The following TRIP4 variants were observed in gnomAD, a reference collection of about 807,000 sequenced individuals.
TRIP4 encodes the protein activating signal cointegrator 1.
TRIP4 carries 54 observed loss-of-function variants against 81.8 expected under a neutral mutation model. That is an observed-to-expected ratio of 0.66 (90% CI 0.53 to 0.83). The LOEUF (loss-of-function observed/expected upper bound fraction) is 0.83. TRIP4 is among the 40% of genes least tolerant of loss of function. TRIP4 has a pLI of 0.00. For missense variants in TRIP4, 662 were observed against 683.6 expected (o/e 0.97, Z 0.35); for synonymous variants, 270 against 242.8 (o/e 1.11, Z -1.04).
intron 11 of TRIP4, among the ~76,000 whole-genome samples, chr15:64,434,395 G>A (rs926638086): frequency 3.9e-5 from 4 of 102,004 alleles, no homozygotes; most frequent in African/African-American, 7.0e-5. Flanking sequence ...GTGAAACTCC[G>A]TCTCAAGAAA....
intron 12 of TRIP4, among the ~76,000 whole-genome samples, chr15:64,447,362 C>A (rs187648646): frequency 6.6e-6 from 1 of 152,112 alleles, no homozygotes; most frequent in Non-Finnish European, 1.5e-5. Flanking sequence ...TAAATCTATG[C>A]CCTAGAGAAG....
intron 12 of TRIP4, among the ~76,000 whole-genome samples, chr15:64,445,570 G>A (rs1297011651): frequency 6.7e-6 from 1 of 149,944 alleles, no homozygotes; most frequent in African/African-American, 2.5e-5. Flanking sequence ...TTGGAAGGCT[G>A]AGGCAGGAGA....
Position 64,445,049 on chromosome 15 carries a change from T to C in TRIP4, c.1619T>C (p.Ile540Thr). Residue 540 changes from isoleucine (I) to threonine (T), a missense_variant, in exon 12 of 13, where the codon ATC becomes ACC. Coordinates refer to ENST00000261884, the MANE Select transcript of TRIP4 (RefSeq NM_016213.5). Reference sequence around the variant, plus strand: ...GAGTCTGATTCTCCATTTGTTTTCATCTGCAAAAATCCTCAGGAAATGGTT... The same window carrying C: ...GAGTCTGATTCTCCATTTGTTTTCACCTGCAAAAATCCTCAGGAAATGGTT... ...SQESDSPFVFICKNPQEMVVK... is the reference protein window; with the variant it reads ...SQESDSPFVFTCKNPQEMVVK... The C allele has an allele frequency of 6.2e-7, 1 of 1,604,736 alleles. No homozygotes were observed.
At chr15:64,445,228 T>A (rs1300183165) in intron 12 of TRIP4, 120 bp downstream of exon 12, 2 of 545,416 alleles carry the variant, frequency 3.7e-6, no homozygotes, top group African/African-American at 4.0e-5. Context: ...GGTAACCCAC[T>A]ACCTTTGGAT....
At chr15:64,428,236 A>G (rs540984434) in intron 11 of TRIP4, among the ~76,000 whole-genome samples, 88 of 152,336 alleles carry the variant, frequency 5.8e-4, no homozygotes, top group African/African-American at 1.9e-3. Context: ...TAGATAGCCA[A>G]TCTTCTTTGT....
chr15:64,399,410 A>G (rs926446831), intron 4 of TRIP4, among the ~76,000 whole-genome samples: 1 of 152,070 alleles, frequency 6.6e-6, no homozygotes, highest in African/African-American at 2.4e-5. Flanking sequence ...GCTGGCAGGA[A>G]CTCTGTGTGT....
intron 5 of TRIP4, 107 bp from the exon 6 acceptor site, chr15:64,406,223 C>T: frequency 7.2e-7 from 1 of 1,397,628 alleles, no homozygotes; most frequent in Non-Finnish European, 9.8e-7. Flanking sequence ...GGCTCCAGGC[C>T]ATCAGGCCAG....
intron 12 of TRIP4, among the ~76,000 whole-genome samples, chr15:64,445,834 T>C (rs572167620): frequency 7.9e-5 from 12 of 152,184 alleles, no homozygotes; most frequent in Admixed American, 1.3e-4. Context: ...CGCTCTAAAC[T>C]TCAATTTCAG....
chr15:64,390,455 C>T (rs1287279789), intron 1 of TRIP4, among the ~76,000 whole-genome samples: 7 of 146,944 alleles, frequency 4.8e-5, no homozygotes, highest in South Asian at 2.2e-4. Context: ...AGTGAGACCT[C>T]GTCTCAAAAA....
chr15:64,407,011 T>C (rs1487104866), intron 6 of TRIP4, among the ~76,000 whole-genome samples: 1 of 152,234 alleles, frequency 6.6e-6, no homozygotes, highest in Non-Finnish European at 1.5e-5. Flanking sequence ...AGGAGATAGA[T>C]TTATGATAAT....
chr15:64,412,926 A>C (rs775261856), intron 7 of TRIP4, among the ~76,000 whole-genome samples: 3 of 152,168 alleles, frequency 2.0e-5, no homozygotes, highest in Non-Finnish European at 4.4e-5. Flanking sequence ...TCCAATGCCA[A>C]CATCATAGGC....
intron 5 of TRIP4, among the ~76,000 whole-genome samples, chr15:64,403,144 G>A (rs927290268): frequency 4.7e-5 from 7 of 149,636 alleles, no homozygotes; most frequent in Non-Finnish European, 7.4e-5. Context: ...TTACAGGCGC[G>A]AGCCACCGCA....
rs1319249810 is a variant in TRIP4 at position 64,397,654 on chromosome 15, T to C, written c.454T>C (p.Leu152=). The change falls in exon 4 of 13, where the codon TTA becomes CTA. Residue 152 remains leucine (L), a synonymous_variant. Coordinates refer to ENST00000261884, the MANE Select transcript of TRIP4 (RefSeq NM_016213.5). ...AAAGAAGAAGACAAAGTTTGTCAAT[T>C]TATACACAAGAGAGGGACAGGACAG... ...SVKKKTKFVN[L]YTREGQDRLA... is the part of the protein sequence containing the mutation. 1 of 1,614,032 alleles carries C rather than the reference T, an allele frequency of 6.2e-7. No homozygotes were observed. The highest frequency in any genetic ancestry group is 8.5e-7 in the Non-Finnish European group (1 of 1,179,892).
chr15:64,413,221 A>C lies in TRIP4; in HGVS notation c.1044-864A>C, dbSNP rs1405306959. On this transcript the variant is annotated intron_variant, in intron 7 of 12. Transcript: ENST00000261884. ...CAACTTTTTTTTTTCTTTTTGTGAC[A>C]GGGCCTTATTGACTATTGCCCAAGC... 2.0e-5 allele frequency among the ~76,000 whole-genome samples: 3 copies of C among 152,002 alleles called. No individual in the cohort carries two copies. The South Asian group carries it at 6.2e-4, about 31-fold the overall frequency.
At chr15:64,397,924 G>T (rs878930324) in intron 4 of TRIP4, 106 bp downstream of exon 4, 20 of 1,256,432 alleles carry the variant, frequency 1.6e-5, no homozygotes, top group African/African-American at 1.1e-4. Flanking sequence ...TGGTTGAGAC[G>T]GAGTCTCACT....
chr15:64,404,945 C>A (rs1023898554), intron 5 of TRIP4, among the ~76,000 whole-genome samples: 2 of 152,080 alleles, frequency 1.3e-5, no homozygotes, highest in Admixed American at 1.3e-4. Context: ...CTCAGCCTCC[C>A]AAAGTGCTGC....
intron 12 of TRIP4, chr15:64,450,876 T>C (rs1892743241): frequency 6.6e-6 from 2 of 301,962 alleles, no homozygotes; most frequent in Admixed American, 3.6e-5. Flanking sequence ...TACTGGAGTT[T>C]CCTGAAACGT....
At chr15:64,445,701 T>G (rs1247109895) in intron 12 of TRIP4, among the ~76,000 whole-genome samples, 1 of 151,314 alleles carries the variant, frequency 6.6e-6, no homozygotes, top group African/African-American at 2.4e-5. Context: ...ATTTATTGTG[T>G]TCTGTGTGTC....
Position 64,450,745 on chromosome 15 carries a change from A to G in TRIP4, c.1679-4252A>G, listed in dbSNP as rs569033253. 8.1e-5 allele frequency: 37 copies of G among 455,950 alleles called. 1 individual carries two copies. Among genetic ancestry groups the G allele is most frequent in the South Asian group, 5.6e-4 (36 of 64,564 alleles). 28.2% of individuals were successfully genotyped at this position (455,950 alleles called of 1,614,324 possible). On this transcript the variant is annotated intron_variant, in intron 12 of 12. Transcript: ENST00000261884. The stretch of plus-strand genomic sequence containing the variant: ...GTTCCTCTTGTATCTTGTTTCTCCT[A>G]TTAGCTTTCCATTTTAGACATCATC...
Sources: gnomAD v4.1 joint callset for allele counts (sites outside exome capture counted in the v4.1 genomes callset) on GRCh38, gnomAD v4.1.1 for gene constraint, MANE v1.5 for transcripts, NCBI Gene and HGNC (gene_info 2026-07-23, HGNC 2026-07-21) for gene names.